The following DENND2A variants were observed in gnomAD, a reference collection of about 807,000 sequenced individuals.
DENND2A encodes DENN domain containing 2A.
In DENND2A, 53 loss-of-function variants were observed where a neutral mutation model predicts 105.3. The observed-to-expected ratio is 0.50, with a 90% CI of 0.40 to 0.63. The LOEUF (loss-of-function observed/expected upper bound fraction) is 0.63, where lower values mean the gene tolerates loss of function less well. Among genes scored for constraint, DENND2A ranks in the 30% least tolerant of loss-of-function variants. The pLI is 0.00. For synonymous variants in DENND2A, 522 were observed against 508.4 expected (o/e 1.03, Z -0.36); for missense variants, 1,138 against 1,279.6 (o/e 0.89, Z 1.69).
intron 1 of DENND2A, among the ~76,000 whole-genome samples, chr7:140,628,706 A>G (rs965977443): frequency 5.3e-5 from 8 of 151,374 alleles, no homozygotes; most frequent in African/African-American, 1.9e-4. Flanking sequence ...CGCCCGGCCA[A>G]TTTTTTTGTA....
At position 140,640,656 on chromosome 7, in the gene DENND2A, TC is replaced by T; in HGVS notation, c.-401del. 1 of 147,734 alleles carries T rather than the reference TC, an allele frequency of 6.8e-6. No individual in the cohort carries two copies. Among genetic ancestry groups the T allele is most frequent in the South Asian group, 2.0e-4 (1 of 4,974 alleles). The allele number at this position is 147,734 out of a possible 1,614,324, so 9.2% of individuals were successfully genotyped here. On this transcript the variant is annotated 5_prime_UTR_variant, in exon 1 of 20. Transcript: ENST00000496613. This position sits in a 1 kb window ranked among gnomAD's most constrained non-coding sequence, Gnocchi z 4.9. The stretch of plus-strand genomic sequence containing the variant: ...CCTCCGCCCCTTTGTCCGCCGAGCC[TC>T]CCCCGGCCGCCCGCAAGCCCCTGGG...
chr7:140,543,315 G>A (rs923105095), intron 14 of DENND2A, among the ~76,000 whole-genome samples: 2 of 107,922 alleles, frequency 1.9e-5, no homozygotes, highest in African/African-American at 7.4e-5. Context: ...TACGTTTTTT[G>A]TAGAGATGGG....
chr7:140,626,161 T>G (rs188959417), intron 1 of DENND2A, among the ~76,000 whole-genome samples: 1 of 152,212 alleles, frequency 6.6e-6, no homozygotes, highest in Non-Finnish European at 1.5e-5. Context: ...CGTACGGGCC[T>G]TCCACTCCTC....
intron 6 of DENND2A, among the ~76,000 whole-genome samples, chr7:140,572,624 G>T (rs1462093371): frequency 2.6e-5 from 4 of 151,370 alleles, no homozygotes; most frequent in Admixed American, 6.6e-5. Flanking sequence ...AGCTGGGTGT[G>T]GTGACTGTAG....
chr7:140,626,322 TCAGGC>T (rs1800527692), intron 1 of DENND2A, among the ~76,000 whole-genome samples: 2 of 152,220 alleles, frequency 1.3e-5, no homozygotes, highest in Non-Finnish European at 2.9e-5. Context: ...GAGGCAGCCC[TCAGGC>T]TGCCATTTTG....
intron 4 of DENND2A, 53 bp downstream of exon 4, chr7:140,587,600 C>T (rs1798836059): frequency 1.2e-6 from 2 of 1,608,704 alleles, no homozygotes; most frequent in Non-Finnish European, 1.7e-6. Flanking sequence ...CATTCTCCCT[C>T]CCCTTTCTCC....
At position 140,559,653 on chromosome 7, in the gene DENND2A, T is replaced by A. The variant is rs1797534614; in HGVS notation, c.1889+55A>T. The stretch of plus-strand genomic sequence containing the variant: ...ATGTGGTCTGCCACCTGTAACCCCG[T>A]CTCTAAGTCTCGCCTTAGTCTTTGG... On this transcript the variant is annotated intron_variant, in intron 10 of 19. Coordinates refer to ENST00000496613, the MANE Select transcript of DENND2A (RefSeq NM_015689.5). This position sits in a 1 kb window ranked among gnomAD's most constrained non-coding sequence, Gnocchi z 4.1. The A allele has an allele frequency of 7.6e-7, 1 of 1,319,646 alleles. No homozygotes were observed. Among genetic ancestry groups the A allele is most frequent in the Non-Finnish European group, 1.1e-6 (1 of 917,638 alleles). 81.7% of individuals were successfully genotyped at this position (1,319,646 alleles called of 1,614,324 possible).
rs575158246 is a variant in DENND2A, at chr7:140,521,020, G to A, written c.2911+835C>T. 2.1e-4 allele frequency among the ~76,000 whole-genome samples: 32 copies of A among 150,600 alleles called. 1 individual carries two copies. The highest frequency in any genetic ancestry group is 2.1e-3 in the Admixed American group (31 of 15,104). On this transcript the variant is annotated intron_variant, in intron 18 of 19. Coordinates refer to ENST00000496613, the MANE Select transcript of DENND2A (RefSeq NM_015689.5). Reference sequence around the variant, plus strand: ...CTCCTGAGTAGCTGGGATTACAGGCGCACACCACCACGCCTGGCTAATTTT... The same window carrying A: ...CTCCTGAGTAGCTGGGATTACAGGCACACACCACCACGCCTGGCTAATTTT...
chr7:140,641,174 C>T (rs1037064172), upstream of DENND2A, among the ~76,000 whole-genome samples: 14 of 152,164 alleles, frequency 9.2e-5, no homozygotes, highest in Admixed American at 8.5e-4. Flanking sequence ...GGCACCGGGC[C>T]GGGGCCGGGG....
At chr7:140,566,391 T>A (rs1797837014) in intron 9 of DENND2A, among the ~76,000 whole-genome samples, 1 of 152,172 alleles carries the variant, frequency 6.6e-6, no homozygotes, top group African/African-American at 2.4e-5. Context: ...CCTGAATTCT[T>A]TCTTGTGTGA....
At chr7:140,572,008 C>G (rs1798112684) in intron 6 of DENND2A, among the ~76,000 whole-genome samples, 1 of 151,952 alleles carries the variant, frequency 6.6e-6, no homozygotes, top group South Asian at 2.1e-4. Flanking sequence ...CTCTCTGTCT[C>G]TCTTTTATTT....
At chr7:140,613,707 T>C (rs1373189908) in intron 1 of DENND2A, among the ~76,000 whole-genome samples, 1 of 150,970 alleles carries the variant, frequency 6.6e-6, no homozygotes, top group Non-Finnish European at 1.5e-5. Context: ...CAGCTTAGAT[T>C]GTGAAACAAA....
chr7:140,558,218 G>T lies in DENND2A; in HGVS notation c.1890-6C>A, dbSNP rs781371052. On this transcript the variant is annotated splice_region_variant and splice_polypyrimidine_tract_variant and intron_variant, in intron 10 of 19. Coordinates refer to ENST00000496613, the MANE Select transcript of DENND2A (RefSeq NM_015689.5). ...AGACAAATGAGAATGTTTCACTGTGGTTGGGAAAACACAAATGTATCATAA... is the reference window on the plus strand; with the variant it reads ...AGACAAATGAGAATGTTTCACTGTGTTTGGGAAAACACAAATGTATCATAA... 1 of 1,611,194 alleles carries T rather than the reference G, an allele frequency of 6.2e-7. No individual in the cohort carries two copies. The highest frequency in any genetic ancestry group is 8.5e-7 in the Non-Finnish European group (1 of 1,177,580).
intron 3 of DENND2A, among the ~76,000 whole-genome samples, chr7:140,589,635 CTATT>C (rs1314392565): frequency 7.2e-5 from 11 of 152,080 alleles, no homozygotes; most frequent in Non-Finnish European, 1.3e-4. Context: ...GGCGAGAGCT[CTATT>C]TATTTTTAGA....
Position 140,523,904 on chromosome 7 carries a change from G to A in DENND2A, c.2548-480C>T, listed in dbSNP as rs6963892. On this transcript the variant is annotated intron_variant, in intron 16 of 19. Coordinates refer to ENST00000496613, the MANE Select transcript of DENND2A (RefSeq NM_015689.5). This position sits in a 1 kb window ranked among gnomAD's most constrained non-coding sequence, Gnocchi z 4.5. The stretch of plus-strand genomic sequence containing the variant: ...ACTTTTTACAAGCAACGGGAGCCTC[G>A]TTTTCCCCACTTGTAAAATGGACTA... 0.51 allele frequency among the ~76,000 whole-genome samples: 77,652 copies of A among 151,962 alleles called. 21,273 individuals are homozygous for A. The highest frequency in any genetic ancestry group is 0.71 in the African/African-American group (29,458 of 41,380).
chr7:140,584,570 T>C (rs547217201), intron 5 of DENND2A, among the ~76,000 whole-genome samples: 17 of 152,206 alleles, frequency 1.1e-4, no homozygotes, highest in Non-Finnish European at 2.1e-4. Context: ...GAAATTACCA[T>C]CTATATCAAT....
intron 3 of DENND2A, among the ~76,000 whole-genome samples, chr7:140,588,352 A>T: frequency 6.6e-6 from 1 of 152,172 alleles, no homozygotes; most frequent in East Asian, 1.9e-4. Flanking sequence ...ACAAACATAG[A>T]CGTAGAAAAT....
intron 12 of DENND2A, among the ~76,000 whole-genome samples, chr7:140,554,709 G>C (rs1258590389): frequency 6.6e-6 from 1 of 152,150 alleles, no homozygotes; most frequent in Non-Finnish European, 1.5e-5. Context: ...ATTATACCTA[G>C]CTTTTGAGAT....
chr7:140,590,444 A>G (rs1046688715), intron 3 of DENND2A, among the ~76,000 whole-genome samples: 2 of 152,208 alleles, frequency 1.3e-5, no homozygotes, highest in African/African-American at 4.8e-5. Context: ...AATCCAGATT[A>G]TGTGTTGGGG....
Sources: gnomAD v4.1 joint callset for allele counts (sites outside exome capture counted in the v4.1 genomes callset) on GRCh38, gnomAD v4.1.1 for gene constraint, Gnocchi (gnomAD v3.1) non-coding constraint, MANE v1.5 for transcripts, NCBI Gene and HGNC (gene_info 2026-07-23, HGNC 2026-07-21) for gene names.